CTNNA3: variants seen among roughly 807,000 people sequenced by gnomAD.
CTNNA3 encodes the protein catenin alpha 3.
In CTNNA3, 76 loss-of-function variants were observed where a neutral mutation model predicts 95.7. That is an observed-to-expected ratio of 0.79 (90% CI 0.66 to 0.96). The LOEUF is 0.96. CTNNA3 is among the 40% of genes least tolerant of loss of function. CTNNA3 has a pLI of 0.00. For synonymous variants in CTNNA3, 431 were observed against 374.4 expected, an observed-to-expected ratio of 1.15 and a Z score of -1.74; for missense variants, 1,191 against 1,089.8, an observed-to-expected ratio of 1.09 and a Z score of -1.31.
chr10:67,023,876 C>A (rs1236138741), intron 7 of CTNNA3, among the ~76,000 whole-genome samples: 1 of 152,164 alleles, frequency 6.6e-6, no homozygotes, highest in East Asian at 1.9e-4. Context: ...GAATGACACT[C>A]AATACTTGGA....
intron 5 of CTNNA3, among the ~76,000 whole-genome samples, chr10:67,255,033 C>G (rs550584733): frequency 5.9e-5 from 9 of 152,122 alleles, no homozygotes; most frequent in African/African-American, 2.2e-4. Context: ...TGGTGGCTCA[C>G]GACTGTAATC....
chr10:66,633,312 C>T (rs1471305545), intron 9 of CTNNA3, among the ~76,000 whole-genome samples: 1 of 152,036 alleles, frequency 6.6e-6, no homozygotes, highest in Non-Finnish European at 1.5e-5. Flanking sequence ...AAATGTTATG[C>T]TGCTGTAAAA....
chr10:67,338,890 A>C (rs2132607478), intron 5 of CTNNA3, among the ~76,000 whole-genome samples: 1 of 152,314 alleles, frequency 6.6e-6, no homozygotes, highest in Non-Finnish European at 1.5e-5. Flanking sequence ...GTAACAAGCA[A>C]CCTATTCTTC....
chr10:66,116,981 A>G (rs1003020249), intron 13 of CTNNA3, among the ~76,000 whole-genome samples: 1 of 152,182 alleles, frequency 6.6e-6, no homozygotes, highest in African/African-American at 2.4e-5. Flanking sequence ...TTACAATTCA[A>G]CATGAAATTT....
chr10:66,286,077 T>A (rs892782319), intron 12 of CTNNA3, among the ~76,000 whole-genome samples: 1 of 151,880 alleles, frequency 6.6e-6, no homozygotes, highest in African/African-American at 2.4e-5. Context: ...TAGTAGATGT[T>A]TTTTGGTGAA....
intron 5 of CTNNA3, among the ~76,000 whole-genome samples, chr10:67,386,277 A>G (rs1844157702): frequency 6.6e-6 from 1 of 152,186 alleles, no homozygotes; most frequent in African/African-American, 2.4e-5. Context: ...ATAATTACAC[A>G]TTGAATTTCA....
intron 13 of CTNNA3, among the ~76,000 whole-genome samples, chr10:66,182,069 T>A (rs2086068033): frequency 6.6e-6 from 1 of 152,178 alleles, no homozygotes; most frequent in Admixed American, 6.5e-5. Flanking sequence ...TCCTAACAAG[T>A]ATTTGTAAAA....
chr10:67,031,646 A>G (rs115161729), intron 7 of CTNNA3, among the ~76,000 whole-genome samples: 1,851 of 152,312 alleles, frequency 0.012, 49 homozygotes, highest in African/African-American at 0.043. Context: ...AAATACGCCC[A>G]TCAACCTGGT....
chr10:66,684,902 T>C, intron 9 of CTNNA3, among the ~76,000 whole-genome samples: 1 of 101,746 alleles, frequency 9.8e-6, no homozygotes, highest in Non-Finnish European at 2.0e-5. Context: ...ATAAACGTGA[T>C]GATTCTAAAA....
chr10:66,691,215 G>A (rs755521606), intron 9 of CTNNA3, among the ~76,000 whole-genome samples: 1 of 152,150 alleles, frequency 6.6e-6, no homozygotes, highest in African/African-American at 2.4e-5. Context: ...TCAAAGAAAG[G>A]GGTGACAGAC....
chr10:67,135,866 T>C (rs1244396727), intron 7 of CTNNA3, among the ~76,000 whole-genome samples: 1 of 152,218 alleles, frequency 6.6e-6, no homozygotes, highest in Non-Finnish European at 1.5e-5. Flanking sequence ...GACCCAATTA[T>C]ATGTTTCTAC....
intron 7 of CTNNA3, among the ~76,000 whole-genome samples, chr10:66,950,586 T>G (rs1481010527): frequency 1.3e-5 from 2 of 152,052 alleles, no homozygotes; most frequent in African/African-American, 4.8e-5. Context: ...ATTTAATATA[T>G]TTTATATATT....
At chr10:67,734,987 C>T (rs1303534749) in intron 1 of CTNNA3, among the ~76,000 whole-genome samples, 1 of 152,060 alleles carries the variant, frequency 6.6e-6, no homozygotes, top group Non-Finnish European at 1.5e-5. Flanking sequence ...AAAACAGTTT[C>T]TTAAAAGGTA....
intron 13 of CTNNA3, among the ~76,000 whole-genome samples, chr10:66,231,541 T>C (rs961036470): frequency 6.6e-6 from 1 of 152,182 alleles, no homozygotes; most frequent in African/African-American, 2.4e-5. Context: ...CTTGACTTCT[T>C]GGCTCCTGAT....
chr10:66,820,910 G>C (rs1039573594), intron 7 of CTNNA3, among the ~76,000 whole-genome samples: 2 of 151,912 alleles, frequency 1.3e-5, no homozygotes, highest in Non-Finnish European at 2.9e-5. Flanking sequence ...AGCTCCCTCT[G>C]GTATATACAA....
intron 5 of CTNNA3, among the ~76,000 whole-genome samples, chr10:67,286,249 C>G (rs1839599162): frequency 6.6e-6 from 1 of 152,154 alleles, no homozygotes; most frequent in Non-Finnish European, 1.5e-5. Flanking sequence ...ACAGAACAAG[C>G]TGATTTCTCA....
chr10:66,372,487 C>G (rs1014505232), intron 12 of CTNNA3, among the ~76,000 whole-genome samples: 1 of 152,160 alleles, frequency 6.6e-6, no homozygotes, highest in African/African-American at 2.4e-5. Context: ...TTCCCATTCT[C>G]TGGTTCATCT....
At chr10:67,075,271 A>C (rs1856688402) in intron 7 of CTNNA3, among the ~76,000 whole-genome samples, 1 of 152,196 alleles carries the variant, frequency 6.6e-6, no homozygotes, top group African/African-American at 2.4e-5. Flanking sequence ...ATTAAAAAAA[A>C]ATCAAAGCCT....
intron 11 of CTNNA3, among the ~76,000 whole-genome samples, chr10:66,442,437 C>T (rs907574128): frequency 1.3e-5 from 2 of 151,994 alleles, no homozygotes; most frequent in African/African-American, 4.8e-5. Context: ...ATTAAAATAA[C>T]TGTAAATATA....
Sources: allele counts gnomAD v4.1 joint callset (sites outside exome capture counted in the v4.1 genomes callset), GRCh38; gene constraint gnomAD v4.1.1; transcripts MANE v1.5; gene names NCBI Gene and HGNC (gene_info 2026-07-23, HGNC 2026-07-21).